Variants in ZNF566 observed in about 807,000 individuals in gnomAD.
ZNF566 encodes zinc finger protein 566.
In ZNF566, 27 loss-of-function variants were observed where a neutral mutation model predicts 32.8. The observed-to-expected ratio is 0.82, with a 90% confidence interval of 0.61 to 1.14. The LOEUF (loss-of-function observed/expected upper bound fraction) is 1.14. Ranked by LOEUF, ZNF566 falls within the 50% of genes most tolerant of loss-of-function variation. The pLI is 0.00. For synonymous variants in ZNF566, 154 were observed against 159.5 expected (o/e 0.97, Z 0.26); for missense variants, 402 against 490.4 (o/e 0.82, Z 1.70).
At chr19:36,452,182 T>C (rs989486004) in intron 4 of ZNF566, among the ~76,000 whole-genome samples, 37 of 151,812 alleles carry the variant, frequency 2.4e-4, no homozygotes, top group Admixed American at 9.2e-4. Flanking sequence ...TAAACTATTA[T>C]AATATACATG....
In ZNF566 at chr19:36,447,790, G is replaced by T. The variant is rs2033033522; in HGVS notation, c.*1187C>A. On this transcript the variant is annotated 3_prime_UTR_variant, in exon 5 of 5. Coordinates refer to ENST00000452939, the MANE Select transcript of ZNF566 (RefSeq NM_001145344.1). The stretch of plus-strand genomic sequence containing the variant: ...ACCTAGGATTATTTCATGTTCAATA[G>T]TAAGTACATGATGATGGGAAATTTT... The T allele has an allele frequency of 6.6e-6, 1 of 152,108 alleles. No individual in the cohort carries two copies. The highest frequency in any genetic ancestry group is 1.5e-5 in the Non-Finnish European group (1 of 68,020). The allele number at this position is 152,108 out of a possible 1,614,324, so 9.4% of individuals were successfully genotyped here.
At chr19:36,484,592 T>C (rs945207497) in intron 1 of ZNF566, among the ~76,000 whole-genome samples, 4 of 143,908 alleles carry the variant, frequency 2.8e-5, no homozygotes, top group East Asian at 2.0e-4. Context: ...AGTTTCTTTT[T>C]TTTTTTTTTT....
chr19:36,470,813 G>A (rs1168078099), intron 4 of ZNF566, among the ~76,000 whole-genome samples: 3 of 152,096 alleles, frequency 2.0e-5, no homozygotes, highest in Non-Finnish European at 4.4e-5. Context: ...GGGAGGATGA[G>A]GCACGAGAAT....
chr19:36,457,311 A>G (rs1283443742), intron 4 of ZNF566, among the ~76,000 whole-genome samples: 1 of 152,144 alleles, frequency 6.6e-6, no homozygotes, highest in Admixed American at 6.5e-5. Context: ...AAAAGCAAAA[A>G]ATAGAAAAAT....
In ZNF566 at chr19:36,469,433, G is replaced by A. The variant is rs143717250; in HGVS notation, c.232+3478C>T. 6.1e-4 allele frequency among the ~76,000 whole-genome samples: 93 copies of A among 152,128 alleles called. No individual in the cohort carries two copies. The East Asian group carries it at 0.013, about 22-fold the overall frequency. On this transcript the variant is annotated intron_variant, in intron 4 of 4. Transcript: ENST00000452939. ...CGGGTGCCTGTAATCCCACCTACTC[G>A]GGAGGCTGAGGCAGGAGAATTGCTT...
At chr19:36,473,035 T>G (rs780616702) in intron 3 of ZNF566, 29 bp from the exon 4 acceptor site, 1 of 1,581,600 alleles carries the variant, frequency 6.3e-7, no homozygotes, top group South Asian at 1.1e-5. Flanking sequence ...ACAAAACAAA[T>G]TTATCATGAG....
chr19:36,483,652 T>A (rs2034088247), intron 1 of ZNF566, among the ~76,000 whole-genome samples: 2 of 151,908 alleles, frequency 1.3e-5, no homozygotes, highest in South Asian at 4.1e-4. Flanking sequence ...TATCCATGAG[T>A]CCATAGGTAA....
chr19:36,483,970 C>A (rs1221879524), intron 1 of ZNF566, among the ~76,000 whole-genome samples: 1 of 152,084 alleles, frequency 6.6e-6, no homozygotes, highest in African/African-American at 2.4e-5. Flanking sequence ...GATCTCAGCT[C>A]ACTGCAATTC....
chr19:36,463,537 CTTTTTT>C (rs56787323), intron 4 of ZNF566, among the ~76,000 whole-genome samples: 1 of 106,290 alleles, frequency 9.4e-6, no homozygotes. Flanking sequence ...AATGTAATTT[CTTTTTT>C]TTTTTTTTTT....
chr19:36,457,384 C>A (rs748081926), intron 4 of ZNF566, among the ~76,000 whole-genome samples: 1 of 152,142 alleles, frequency 6.6e-6, no homozygotes, highest in Non-Finnish European at 1.5e-5. Context: ...AAGAGACTAT[C>A]CACAGAGTGG....
At chr19:36,484,836 A>G (rs887068641) in intron 1 of ZNF566, among the ~76,000 whole-genome samples, 6 of 151,694 alleles carry the variant, frequency 4.0e-5, no homozygotes, top group African/African-American at 4.8e-5. Flanking sequence ...TGATCCGCCC[A>G]CCTCGGCCTC....
rs566645134 is a variant in ZNF566, at chr19:36,468,120, G to A, written c.232+4791C>T. On this transcript the variant is annotated intron_variant, in intron 4 of 4. Coordinates refer to ENST00000452939, the MANE Select transcript of ZNF566 (RefSeq NM_001145344.1). ...GAATCACTTGAACCCGGGAGGCAGA[G>A]GTTGCGGTGAGCCGAGATCGTGTCA... 9.0e-4 allele frequency among the ~76,000 whole-genome samples: 135 copies of A among 150,128 alleles called. 3 individuals carry two copies. Among genetic ancestry groups the A allele is most frequent in the African/African-American group, 2.9e-3 (115 of 40,346 alleles).
intron 4 of ZNF566, among the ~76,000 whole-genome samples, chr19:36,472,679 G>A (rs989045530): frequency 1.3e-5 from 2 of 152,184 alleles, no homozygotes; most frequent in Non-Finnish European, 2.9e-5. Flanking sequence ...CACTAGAAAG[G>A]GTGGAGGAGG....
At chr19:36,465,705 C>A (rs2033595408) in intron 4 of ZNF566, among the ~76,000 whole-genome samples, 2 of 151,830 alleles carry the variant, frequency 1.3e-5, no homozygotes, top group Admixed American at 1.3e-4. Flanking sequence ...GATCTCCTGA[C>A]CGCGTGATCC....
intron 4 of ZNF566, among the ~76,000 whole-genome samples, chr19:36,451,449 G>C (rs1012587813): frequency 6.6e-6 from 1 of 152,182 alleles, no homozygotes; most frequent in Non-Finnish European, 1.5e-5. Context: ...GATCACTATA[G>C]TAGTAATGAC....
chr19:36,488,472 C>T (rs1018360880), intron 1 of ZNF566, among the ~76,000 whole-genome samples: 8 of 152,082 alleles, frequency 5.3e-5, no homozygotes, highest in African/African-American at 1.9e-4. Flanking sequence ...CATTGCTGTT[C>T]AAGTACAAAT....
intron 4 of ZNF566, among the ~76,000 whole-genome samples, chr19:36,463,756 C>T (rs2033541987): frequency 6.6e-6 from 1 of 150,816 alleles, no homozygotes; most frequent in Admixed American, 6.6e-5. Flanking sequence ...GACAGAGTCT[C>T]ACTCCATCAC....
chr19:36,470,327 C>T (rs1185136950), intron 4 of ZNF566, among the ~76,000 whole-genome samples: 1 of 152,168 alleles, frequency 6.6e-6, no homozygotes. Flanking sequence ...TTTTGCAAGC[C>T]CCAAATCTAC....
intron 1 of ZNF566, among the ~76,000 whole-genome samples, chr19:36,485,380 G>A (rs532865760): frequency 7.3e-5 from 11 of 149,970 alleles, no homozygotes; most frequent in Non-Finnish European, 1.5e-4. Flanking sequence ...GGTTGAGGCT[G>A]CAATGAGCCA....
Sources: allele counts gnomAD v4.1 joint callset (sites outside exome capture counted in the v4.1 genomes callset), GRCh38; gene constraint gnomAD v4.1.1; transcripts MANE v1.5; gene names NCBI Gene and HGNC (gene_info 2026-07-23, HGNC 2026-07-21).